The following ADAM28 variants were observed in gnomAD, a reference collection of about 807,000 sequenced individuals.
ADAM28 encodes the protein ADAM metallopeptidase domain 28.
In ADAM28, 105 loss-of-function variants were observed where a neutral mutation model predicts 101.2. The ratio of observed to expected loss-of-function variants is 1.04; its 90% CI spans 0.89 to 1.22. The LOEUF is 1.22. Ranked by LOEUF, ADAM28 falls within the 50% of genes most tolerant of loss-of-function variation. ADAM28 has a pLI of 0.00. For synonymous variants in ADAM28, 322 were observed against 310.6 expected (o/e 1.04, Z -0.39); for missense variants, 1,028 against 945.4 (o/e 1.09, Z -1.15).
At position 24,343,562 on chromosome 8, in the gene ADAM28, C is replaced by T. The variant is rs149336171; in HGVS notation, c.1968C>T (p.Cys656=). 2.1e-4 allele frequency: 339 copies of T among 1,613,702 alleles called. 1 individual carries two copies. The African/African-American group carries it at 3.5e-3, about 17-fold the overall frequency. ...QCEEGWIPPD[C]DDSSVVFHFS... Reference sequence around the variant, plus strand: ...AGGAAGGATGGATCCCTCCCGACTGCGATGACTCCTCAGTGGTCTTCCGTA... The same window carrying T: ...AGGAAGGATGGATCCCTCCCGACTGTGATGACTCCTCAGTGGTCTTCCGTA... The change falls in exon 18 of 23, where the codon TGC becomes TGT. Residue 656 remains cysteine (C), a synonymous_variant. Transcript: ENST00000265769.
At chr8:24,322,911 A>G (rs1047364766) in intron 8 of ADAM28, among the ~76,000 whole-genome samples, 3 of 151,346 alleles carry the variant, frequency 2.0e-5, no homozygotes, top group Non-Finnish European at 4.4e-5. Flanking sequence ...TAGAGTAAGC[A>G]TATTGTTTCA....
Position 24,332,651 on chromosome 8 carries a change from A to G in ADAM28, c.1282-9A>G, listed in dbSNP as rs775895061. On this transcript the variant is annotated splice_polypyrimidine_tract_variant and intron_variant, in intron 12 of 22. Transcript: ENST00000265769. ...TGTTGCATTTACATTTGTTTCTCAT[A>G]TTTCTTAGGAATGTACCAATATTTG... 17 of 1,445,344 alleles carry G rather than the reference A, an allele frequency of 1.2e-5. No individual in the cohort carries two copies. Among genetic ancestry groups the G allele is most frequent in the Non-Finnish European group, 1.6e-5 (17 of 1,080,576 alleles). 89.5% of individuals were successfully genotyped at this position (1,445,344 alleles called of 1,614,324 possible).
chr8:24,311,677 A>G (rs111537898), intron 5 of ADAM28, among the ~76,000 whole-genome samples: 237 of 152,302 alleles, frequency 1.6e-3, no homozygotes, highest in African/African-American at 5.5e-3. Flanking sequence ...AGGATTTTGA[A>G]TCCCAGTTCT....
intron 10 of ADAM28, 133 bp downstream of exon 10, chr8:24,326,768 A>G (rs1812676928): frequency 1.3e-6 from 1 of 753,646 alleles, no homozygotes; most frequent in Non-Finnish European, 2.0e-6. Context: ...TTGAATTTCA[A>G]ATGTTGAACT....
At chr8:24,340,855 G>A (rs139144630) in intron 15 of ADAM28, 11 of 152,244 alleles carry the variant, frequency 7.2e-5, no homozygotes, top group East Asian at 1.9e-4. Context: ...GCCCTCTTCC[G>A]AATTCTACAT....
chr8:24,296,076 A>C (rs1267785172), intron 1 of ADAM28: 1 of 152,236 alleles, frequency 6.6e-6, no homozygotes, highest in Non-Finnish European at 1.5e-5. Context: ...AGGAAAAACA[A>C]ATATTTAAAA....
Position 24,323,893 on chromosome 8 carries a change from G to A in ADAM28, c.780G>A (p.Lys260=). Residue 260 remains lysine, a synonymous_variant, in exon 9 of 23, where the codon AAG becomes AAA. Coordinates refer to ENST00000265769, the MANE Select transcript of ADAM28 (RefSeq NM_014265.6). ...ALVGMEIWTD[K]DKIKITPNAS... ...TTGGTATGGAAATCTGGACTGACAA[G>A]GATAAGATAAAGATAACCCCAAATG... 2 of 1,612,202 alleles carry A rather than the reference G, an allele frequency of 1.2e-6. No individual in the cohort carries two copies. Among genetic ancestry groups the A allele is most frequent in the South Asian group, 1.1e-5 (1 of 91,018 alleles).
intron 19 of ADAM28, 104 bp from the exon 20 acceptor site, chr8:24,351,128 G>T: frequency 1.0e-6 from 1 of 975,044 alleles, no homozygotes; most frequent in Non-Finnish European, 1.5e-6. Context: ...CAATAGGCAA[G>T]AAAGACACAA....
intron 1 of ADAM28, chr8:24,295,748 A>T (rs1333024305): frequency 6.6e-6 from 1 of 152,226 alleles, no homozygotes; most frequent in African/African-American, 2.4e-5. Context: ...TAAAAGTGTG[A>T]TGTCACCCCT....
chr8:24,345,079 T>A (rs576712852), intron 18 of ADAM28, among the ~76,000 whole-genome samples: 9 of 151,480 alleles, frequency 5.9e-5, no homozygotes, highest in African/African-American at 2.2e-4. Context: ...TTAAATAACA[T>A]CCCTTTTAAA....
intron 1 of ADAM28, among the ~76,000 whole-genome samples, chr8:24,295,609 A>G (rs1807857799): frequency 6.6e-6 from 1 of 152,148 alleles, no homozygotes; most frequent in Non-Finnish European, 1.5e-5. Context: ...ACAGAGTCAC[A>G]TGGCTAACAC....
At chr8:24,296,045 A>G (rs578225002) in intron 1 of ADAM28, 2 of 152,364 alleles carry the variant, frequency 1.3e-5, no homozygotes, top group South Asian at 4.1e-4. Flanking sequence ...AAATTGACTT[A>G]TGGGATTTCA....
chr8:24,316,365 G>C (rs181659424), intron 6 of ADAM28, among the ~76,000 whole-genome samples: 5 of 152,038 alleles, frequency 3.3e-5, no homozygotes, highest in African/African-American at 1.2e-4. Context: ...TGGAATTCGA[G>C]TTTTGATAAG....
At position 24,313,525 on chromosome 8, in the gene ADAM28, T is replaced by C; in HGVS notation, c.521T>C (p.Val174Ala). ...NYDSTCGMDG[V>A]LWAHDLQQNI... Reference sequence around the variant, plus strand: ...GACAGCACCTGTGGGATGGATGGTGTGTTGTGGGCCCACGATTTGCAGCAG... The same window carrying C: ...GACAGCACCTGTGGGATGGATGGTGCGTTGTGGGCCCACGATTTGCAGCAG... Residue 174 changes from valine (V) to alanine (A), a missense_variant, in exon 6 of 23, where the codon GTG becomes GCG. Val to Ala is a moderately conservative substitution (Grantham distance 64). Transcript: ENST00000265769. 6.2e-7 allele frequency: 1 copy of C among 1,613,906 alleles called. No homozygotes were observed. Among genetic ancestry groups the C allele is most frequent in the South Asian group, 1.1e-5 (1 of 91,072 alleles).
chr8:24,311,200 A>C (rs1051122851), intron 4 of ADAM28, among the ~76,000 whole-genome samples, 161 bp from the exon 5 acceptor site: 4 of 152,330 alleles, frequency 2.6e-5, no homozygotes, highest in Non-Finnish European at 4.4e-5. Flanking sequence ...TTTAACTTAC[A>C]TGAAAGATTT....
chr8:24,340,874 T>C (rs1274279753), intron 15 of ADAM28: 1 of 152,222 alleles, frequency 6.6e-6, no homozygotes, highest in African/African-American at 2.4e-5. Context: ...ATAAAGCAAT[T>C]GACTTCCATT....
At chr8:24,299,843 T>A in intron 1 of ADAM28, 131 bp from the exon 2 acceptor site, 1 of 619,906 alleles carries the variant, frequency 1.6e-6, no homozygotes, top group South Asian at 2.1e-5. Context: ...AGCACATTAA[T>A]CACTCTGACA....
chr8:24,328,974 C>T (rs1036747089), intron 10 of ADAM28, among the ~76,000 whole-genome samples: 4 of 151,116 alleles, frequency 2.6e-5, no homozygotes, highest in Non-Finnish European at 4.4e-5. Context: ...TGGGGCAAGA[C>T]AGAATGGAGG....
At chr8:24,323,242 A>G (rs891620157) in intron 8 of ADAM28, among the ~76,000 whole-genome samples, 14 of 151,614 alleles carry the variant, frequency 9.2e-5, no homozygotes, top group Admixed American at 9.2e-4. Flanking sequence ...TGAGGGCTCC[A>G]CTCTCGTGAC....
Sources: allele counts gnomAD v4.1 joint callset (sites outside exome capture counted in the v4.1 genomes callset), GRCh38; gene constraint gnomAD v4.1.1; transcripts MANE v1.5; gene names NCBI Gene and HGNC (gene_info 2026-07-23, HGNC 2026-07-21).